The following STPG2 variants were observed in gnomAD, a reference collection of about 807,000 sequenced individuals.
STPG2 encodes sperm-tail PG-rich repeat-containing protein 2.
In STPG2, 56 loss-of-function variants were observed where a neutral mutation model predicts 54.2. That is an observed-to-expected ratio of 1.03 (90% CI 0.83 to 1.29). STPG2 has a LOEUF of 1.29. Among genes scored for constraint, STPG2 ranks in the 50% most tolerant of loss-of-function variants. STPG2 has a pLI of 0.00. For missense variants in STPG2, 596 were observed against 544.9 expected (o/e 1.09, Z -0.93); for synonymous variants, 200 against 181.8 (o/e 1.10, Z -0.81).
At chr4:97,636,879 C>A (rs957430719) in intron 10 of STPG2, among the ~76,000 whole-genome samples, 1 of 151,596 alleles carries the variant, frequency 6.6e-6, no homozygotes, top group African/African-American at 2.4e-5. Flanking sequence ...GAGTCCAGGA[C>A]CAGATGGATT....
intron 6 of STPG2, among the ~76,000 whole-genome samples, chr4:97,975,494 G>C (rs1578748667): frequency 6.6e-6 from 1 of 152,088 alleles, no homozygotes; most frequent in East Asian, 1.9e-4. Flanking sequence ...AGTTCTGAGT[G>C]AATTTAGGTT....
At chr4:97,867,133 T>C (rs1729818332) in intron 8 of STPG2, among the ~76,000 whole-genome samples, 1 of 151,998 alleles carries the variant, frequency 6.6e-6, no homozygotes, top group Non-Finnish European at 1.5e-5. Context: ...GACACAAGCC[T>C]GTAATATGCT....
rs1223113920 is a variant in STPG2, at chr4:98,020,196, A to G, written c.613-38878T>C. ...TATTATTTTGAGATATGTCCCATCA[A>G]TACCTAATTTATTGAGAGTTTTTAG... is the stretch of plus-strand genomic sequence containing the variant. On this transcript the variant is annotated intron_variant, in intron 5 of 10. Transcript: ENST00000295268. Among the ~76,000 whole-genome samples, 6 of 133,536 alleles carry G rather than the reference A, an allele frequency of 4.5e-5. 1 individual carries two copies. The highest frequency in any genetic ancestry group is 5.1e-4 in the South Asian group (2 of 3,932). The allele number at this position is 133,536 out of a possible 152,430, so 87.6% of individuals were successfully genotyped here. A position where few individuals can be genotyped will look rare whatever the true frequency, so the allele number is the denominator to read the frequency against.
At chr4:97,522,184 T>G (rs959878781) in intron 4 of STPG2, among the ~76,000 whole-genome samples, 1 of 152,064 alleles carries the variant, frequency 6.6e-6, no homozygotes, top group Non-Finnish European at 1.5e-5. Flanking sequence ...ATACAAATAA[T>G]TAGTTCAATA....
At chr4:98,115,609 T>C (rs1739494585) in intron 3 of STPG2, among the ~76,000 whole-genome samples, 1 of 151,974 alleles carries the variant, frequency 6.6e-6, no homozygotes. Flanking sequence ...TACCCATCTA[T>C]TGGATTATTT....
chr4:98,079,242 G>A (rs1055404887), intron 5 of STPG2, among the ~76,000 whole-genome samples: 3 of 152,138 alleles, frequency 2.0e-5, no homozygotes, highest in African/African-American at 7.2e-5. Flanking sequence ...AAAAAATATT[G>A]TTCTCACACC....
intron 6 of STPG2, among the ~76,000 whole-genome samples, chr4:97,980,752 T>TA (rs1243433039): frequency 1.3e-5 from 2 of 152,192 alleles, no homozygotes; most frequent in African/African-American, 4.8e-5. Context: ...CTCTGAACAC[T>TA]AAAATATCCA....
At chr4:97,676,680 G>T (rs1179586303) in intron 10 of STPG2, among the ~76,000 whole-genome samples, 1 of 152,056 alleles carries the variant, frequency 6.6e-6, no homozygotes, top group Non-Finnish European at 1.5e-5. Flanking sequence ...TCATTAATAT[G>T]ACCTTACCAA....
At chr4:97,718,184 C>T (rs1302360481) in intron 9 of STPG2, among the ~76,000 whole-genome samples, 1 of 151,980 alleles carries the variant, frequency 6.6e-6, no homozygotes, top group East Asian at 1.9e-4. Context: ...TAAAACATGT[C>T]ACATCACAGA....
chr4:98,035,458 G>A (rs534179495), intron 5 of STPG2, among the ~76,000 whole-genome samples: 1 of 152,146 alleles, frequency 6.6e-6, no homozygotes, highest in Non-Finnish European at 1.5e-5. Flanking sequence ...AGATGCTGGA[G>A]AGGATGTGGA....
At chr4:97,480,286 A>G (rs1471761248) in intron 4 of STPG2, among the ~76,000 whole-genome samples, 5 of 151,720 alleles carry the variant, frequency 3.3e-5, no homozygotes, top group African/African-American at 1.2e-4. Context: ...AAGAAATTGA[A>G]TATCATTTAA....
chr4:97,911,361 C>T (rs1474865404), intron 8 of STPG2, among the ~76,000 whole-genome samples: 2 of 152,232 alleles, frequency 1.3e-5, no homozygotes, highest in African/African-American at 4.8e-5. Context: ...ACTCCCAGAG[C>T]TCCTCACAAG....
At chr4:97,555,919 T>G (rs1051483265), downstream of STPG2, among the ~76,000 whole-genome samples, 1 of 152,098 alleles carries the variant, frequency 6.6e-6, no homozygotes, top group African/African-American at 2.4e-5. Context: ...CATATATTTA[T>G]CATTCCACAA....
At chr4:97,546,360 G>C (rs1041339877) in intron 4 of STPG2, among the ~76,000 whole-genome samples, 2 of 151,854 alleles carry the variant, frequency 1.3e-5, no homozygotes, top group African/African-American at 4.8e-5. Flanking sequence ...TACAGATAAA[G>C]AGTATATTGG....
intron 5 of STPG2, among the ~76,000 whole-genome samples, chr4:98,023,068 A>G (rs7659930): frequency 0.39 from 59,996 of 152,084 alleles, 12,075 homozygotes; most frequent in Middle Eastern, 0.46. Flanking sequence ...GAGGAACTGC[A>G]TTCCTTTGGA....
At chr4:97,564,729 A>T (rs1348614172) in intron 10 of STPG2, among the ~76,000 whole-genome samples, 1 of 152,096 alleles carries the variant, frequency 6.6e-6, no homozygotes, top group East Asian at 1.9e-4. Flanking sequence ...CTGGGTTGAA[A>T]ATTCTTTTCT....
chr4:97,558,727 C>T (rs909028185), downstream of STPG2: 1 of 230,786 alleles, frequency 4.3e-6, no homozygotes, highest in African/African-American at 2.3e-5. Context: ...TTGCAAAAGA[C>T]TGAGCCTGAT....
chr4:97,557,396 T>G (rs1315531146), downstream of STPG2, among the ~76,000 whole-genome samples: 1 of 152,194 alleles, frequency 6.6e-6, no homozygotes, highest in East Asian at 1.9e-4. Flanking sequence ...TTTTTCAGAA[T>G]TTTTTCAAAT....
At chr4:97,673,485 G>A (rs1216680720) in intron 10 of STPG2, among the ~76,000 whole-genome samples, 1 of 152,114 alleles carries the variant, frequency 6.6e-6, no homozygotes, top group Non-Finnish European at 1.5e-5. Flanking sequence ...AGTAACCAAT[G>A]TATAAGTATT....
Sources: allele counts gnomAD v4.1 joint callset (sites outside exome capture counted in the v4.1 genomes callset), GRCh38; gene constraint gnomAD v4.1.1; transcripts MANE v1.5; gene names NCBI Gene and HGNC (gene_info 2026-07-23, HGNC 2026-07-21).